Variants in RASGRP3 observed in about 807,000 individuals in gnomAD.
The protein encoded by RASGRP3 is RAS guanyl releasing protein 3, also known as ras guanyl-releasing protein 3.
In RASGRP3, 54 loss-of-function variants were observed where a neutral mutation model predicts 82.7. That is an observed-to-expected ratio of 0.65 (90% CI 0.52 to 0.82). RASGRP3 has a LOEUF of 0.82. RASGRP3 is among the 40% of genes least tolerant of loss of function. RASGRP3 has a pLI of 0.00. For missense variants in RASGRP3, 861 were observed against 828.9 expected, an observed-to-expected ratio of 1.04 and a Z score of -0.48; for synonymous variants, 309 against 300.5, an observed-to-expected ratio of 1.03 and a Z score of -0.29.
At chr2:33,457,963 C>G (rs183788744) in intron 2 of RASGRP3, 12 of 152,254 alleles carry the variant, frequency 7.9e-5, no homozygotes, top group Non-Finnish European at 1.6e-4. Context: ...ATATTTTCAC[C>G]TGGCCCTTCA....
rs1220806791 is a variant in RASGRP3 at position 33,461,537 on chromosome 2, C to T, written c.-261+13594C>T. On this transcript the variant is annotated intron_variant, in intron 2 of 18. Coordinates refer to the RASGRP3 transcript ENST00000402538. ...AAGTGATCCACCTGCCTTGGCCTCC[C>T]AAAGTGCTGGGATTGCAGGCGTGAG... 2.6e-5 allele frequency among the ~76,000 whole-genome samples: 4 copies of T among 152,358 alleles called. No individual in the cohort carries two copies. The Middle Eastern group carries it at 0.01, about 389-fold the overall frequency.
chr2:33,474,147 G>A (rs1019297802), upstream of RASGRP3, among the ~76,000 whole-genome samples: 2 of 152,024 alleles, frequency 1.3e-5, no homozygotes, highest in Non-Finnish European at 2.9e-5. Context: ...CATGGGGGCT[G>A]GGGACTCCTG....
At chr2:33,557,659 G>A (rs983452308) in intron 15 of RASGRP3, among the ~76,000 whole-genome samples, 6 of 150,858 alleles carry the variant, frequency 4.0e-5, no homozygotes, top group Non-Finnish European at 5.9e-5. Flanking sequence ...GCAGTGAGCC[G>A]AGATCCCGCC....
chr2:33,456,156 A>G (rs1666024441), intron 2 of RASGRP3, among the ~76,000 whole-genome samples: 2 of 152,204 alleles, frequency 1.3e-5, no homozygotes, highest in South Asian at 4.1e-4. Flanking sequence ...AGCAGTTAAA[A>G]GAAGTTGAGT....
intron 2 of RASGRP3, among the ~76,000 whole-genome samples, chr2:33,451,567 A>G (rs1385150224): frequency 6.6e-6 from 1 of 152,170 alleles, no homozygotes. Flanking sequence ...TTTTTAATCT[A>G]TTTTGAGTTT....
chr2:33,469,789 C>T (rs1254209480), intron 2 of RASGRP3, among the ~76,000 whole-genome samples: 1 of 152,188 alleles, frequency 6.6e-6, no homozygotes, highest in Admixed American at 6.5e-5. Context: ...ACTCTTTAGT[C>T]TAACATGCTT....
intron 1 of RASGRP3, among the ~76,000 whole-genome samples, chr2:33,488,556 G>T (rs1668590960): frequency 6.6e-6 from 1 of 152,188 alleles, no homozygotes; most frequent in South Asian, 2.1e-4. Flanking sequence ...GAAAAAAAAT[G>T]CCTGTGTTCA....
intron 1 of RASGRP3, among the ~76,000 whole-genome samples, chr2:33,498,361 T>A (rs896911796): frequency 6.6e-6 from 1 of 151,996 alleles, no homozygotes; most frequent in African/African-American, 2.4e-5. Context: ...AGTTCAAGAG[T>A]TGAATTTGAT....
intron 14 of RASGRP3, among the ~76,000 whole-genome samples, chr2:33,552,044 A>T (rs1675426057): frequency 6.6e-6 from 1 of 152,092 alleles, no homozygotes; most frequent in Admixed American, 6.5e-5. Context: ...CAAACTCAAG[A>T]TCTTATCTCC....
At chr2:33,460,584 G>A (rs904857108) in intron 2 of RASGRP3, among the ~76,000 whole-genome samples, 9 of 150,032 alleles carry the variant, frequency 6.0e-5, no homozygotes, top group Admixed American at 6.7e-5. Flanking sequence ...GCGCGATCTC[G>A]GCTCACTGCA....
At chr2:33,552,634 AT>A (rs1675485217) in intron 14 of RASGRP3, among the ~76,000 whole-genome samples, 1 of 152,194 alleles carries the variant, frequency 6.6e-6, no homozygotes, top group African/African-American at 2.4e-5. Flanking sequence ...TGCCGGAACC[AT>A]CTGCTTTTAA....
In RASGRP3 at chr2:33,558,956, G is replaced by A. The variant is rs758767268; in HGVS notation, c.1990G>A (p.Val664Met). The change falls in exon 17 of 18, where the codon GTG becomes ATG. Residue 664 changes from valine to methionine, a missense_variant. Physicochemically the swap from Val to Met is conservative, Grantham distance 21. Transcript: ENST00000403687. Reference protein sequence around the residue: ...ENEKPRVHAGVDVVDRGTEFE... With the variant: ...ENEKPRVHAGMDVVDRGTEFE... ...TGAGAAGCCCAGGGTGCATGCTGGT[G>A]TGGATGTTGTAGACCGGGGCACGGA... The A allele has an allele frequency of 2.4e-5, 39 of 1,613,904 alleles. No homozygotes were observed. The South Asian group carries it at 2.6e-4, about 11-fold the overall frequency.
chr2:33,466,516 T>C (rs1252137377), intron 2 of RASGRP3, among the ~76,000 whole-genome samples: 1 of 151,962 alleles, frequency 6.6e-6, no homozygotes, highest in African/African-American at 2.4e-5. Flanking sequence ...CTGTCTCTAC[T>C]AAAAATACAA....
intron 2 of RASGRP3, among the ~76,000 whole-genome samples, chr2:33,468,928 A>G (rs935267440): frequency 1.3e-5 from 2 of 152,224 alleles, no homozygotes; most frequent in Non-Finnish European, 2.9e-5. Flanking sequence ...TTTGACATAC[A>G]TTACAAAATT....
chr2:33,513,065 A>C (rs1204417583), intron 2 of RASGRP3, among the ~76,000 whole-genome samples: 1 of 152,248 alleles, frequency 6.6e-6, no homozygotes, highest in Admixed American at 6.5e-5. Flanking sequence ...CTTTGTTAAA[A>C]GATATAAAAA....
Position 33,456,930 on chromosome 2 carries a change from G to A in RASGRP3, c.-261+8987G>A, listed in dbSNP as rs868791329. Among the ~76,000 whole-genome samples, 334 of 140,862 alleles carry A rather than the reference G, an allele frequency of 2.4e-3. 2 individuals carry two copies. Among genetic ancestry groups the A allele is most frequent in the African/African-American group, 8.4e-3 (312 of 37,162 alleles). The allele number at this position is 140,862 out of a possible 152,430, so 92.4% of individuals were successfully genotyped here. ...TTTTTTTTTTTTTTTTTGAGATGGAGTCTGGCTCTGTCACCTAGGCTGAAG... is the reference window on the plus strand; with the variant it reads ...TTTTTTTTTTTTTTTTTGAGATGGAATCTGGCTCTGTCACCTAGGCTGAAG... On this transcript the variant is annotated intron_variant, in intron 2 of 18. Transcript: ENST00000402538.
At chr2:33,513,912 T>G (rs927593799) in intron 2 of RASGRP3, 1 of 152,162 alleles carries the variant, frequency 6.6e-6, no homozygotes, top group African/African-American at 2.4e-5. Context: ...AAAACTATGA[T>G]GGTTTGTGAT....
intron 2 of RASGRP3, among the ~76,000 whole-genome samples, chr2:33,465,296 T>C (rs144251615): frequency 3.0e-4 from 45 of 152,312 alleles, no homozygotes; most frequent in African/African-American, 1.1e-3. Context: ...CCTAATTCTC[T>C]TCAATTCTCG....
intron 1 of RASGRP3, among the ~76,000 whole-genome samples, chr2:33,498,460 G>A (rs569281770): frequency 6.6e-6 from 1 of 152,268 alleles, no homozygotes; most frequent in South Asian, 2.1e-4. Flanking sequence ...AATGTGTAAG[G>A]CCAGCAAGGA....
Sources: gnomAD v4.1 joint callset for allele counts (sites outside exome capture counted in the v4.1 genomes callset) on GRCh38, gnomAD v4.1.1 for gene constraint, MANE v1.5 for transcripts, NCBI Gene and HGNC (gene_info 2026-07-23, HGNC 2026-07-21) for gene names.